The following DAB1 variants were observed in gnomAD, a reference collection of about 807,000 sequenced individuals.
DAB1 encodes disabled homolog 1.
A neutral mutation model predicts 64.6 loss-of-function variants in DAB1; 15 were observed. The ratio of observed to expected loss-of-function variants is 0.23; its 90% CI spans 0.16 to 0.36. The LOEUF (loss-of-function observed/expected upper bound fraction) is 0.36. Among genes scored for constraint, DAB1 ranks in the 10% least tolerant of loss-of-function variants. The pLI is 1.00. For missense variants in DAB1, 596 were observed against 706.7 expected, an observed-to-expected ratio of 0.84 and a Z score of 1.78; for synonymous variants, 235 against 251.9, an observed-to-expected ratio of 0.93 and a Z score of 0.64.
chr1:58,409,900 C>T (rs945758753), intron 3 of DAB1, among the ~76,000 whole-genome samples: 2 of 152,172 alleles, frequency 1.3e-5, no homozygotes, highest in Non-Finnish European at 2.9e-5. Context: ...CAAACAATCC[C>T]GTACTGTGGA....
chr1:57,443,889 C>T (rs1686042883), intron 7 of DAB1, among the ~76,000 whole-genome samples: 1 of 152,202 alleles, frequency 6.6e-6, no homozygotes, highest in Admixed American at 6.5e-5. Context: ...AAATATTAGT[C>T]ACAGTAGCAG....
At chr1:57,701,354 G>C (rs1030208436) in intron 6 of DAB1, among the ~76,000 whole-genome samples, 3 of 152,012 alleles carry the variant, frequency 2.0e-5, no homozygotes, top group South Asian at 2.1e-4. Context: ...CACATATACA[G>C]CATGGAATAC....
chr1:57,367,874 T>G (rs1680184705), intron 1 of DAB1, among the ~76,000 whole-genome samples: 1 of 152,144 alleles, frequency 6.6e-6, no homozygotes, highest in Non-Finnish European at 1.5e-5. Flanking sequence ...AAACTATGAC[T>G]GCAGACCTGG....
At chr1:58,433,022 C>T (rs572541165) in intron 3 of DAB1, among the ~76,000 whole-genome samples, 4 of 152,342 alleles carry the variant, frequency 2.6e-5, no homozygotes, top group South Asian at 2.1e-4. Context: ...TACCCGGAGG[C>T]GAGTGCCTGT....
intron 3 of DAB1, among the ~76,000 whole-genome samples, chr1:58,498,279 T>G (rs951484728): frequency 1.3e-5 from 2 of 152,098 alleles, no homozygotes. Flanking sequence ...TCTTCCATTC[T>G]CCTCTACCAT....
intron 3 of DAB1, among the ~76,000 whole-genome samples, chr1:58,455,364 C>T (rs372850481): frequency 1.3e-5 from 2 of 152,350 alleles, no homozygotes; most frequent in African/African-American, 4.8e-5. Context: ...GGTGCTTCTA[C>T]GTGGCCTTAA....
chr1:57,925,612 T>C (rs1156606727), intron 5 of DAB1, among the ~76,000 whole-genome samples: 2 of 152,234 alleles, frequency 1.3e-5, no homozygotes, highest in South Asian at 2.1e-4. Flanking sequence ...AGGATTTTCT[T>C]CTTTCATAGT....
At chr1:57,181,494 C>T (rs1662931949) in intron 2 of DAB1, among the ~76,000 whole-genome samples, 1 of 152,112 alleles carries the variant, frequency 6.6e-6, no homozygotes, top group Admixed American at 6.5e-5. Context: ...TATTACACAA[C>T]CTAATTGAAG....
chr1:58,302,255 A>G (rs1468671607), intron 4 of DAB1, among the ~76,000 whole-genome samples: 2 of 152,170 alleles, frequency 1.3e-5, no homozygotes, highest in Non-Finnish European at 2.9e-5. Flanking sequence ...GTATAGTCCA[A>G]GAAAATCCCT....
intron 2 of DAB1, among the ~76,000 whole-genome samples, chr1:57,220,337 A>G (rs748964745): frequency 2.6e-5 from 4 of 152,186 alleles, no homozygotes; most frequent in African/African-American, 4.8e-5. Flanking sequence ...TCGTTTCATC[A>G]TGCAATGTAA....
At chr1:57,214,079 T>C in intron 2 of DAB1, among the ~76,000 whole-genome samples, 1 of 152,188 alleles carries the variant, frequency 6.6e-6, no homozygotes, top group East Asian at 1.9e-4. Flanking sequence ...CTAAAACAAA[T>C]ACTTGAGACA....
intron 5 of DAB1, among the ~76,000 whole-genome samples, chr1:58,121,044 C>T (rs1195858909): frequency 6.6e-6 from 1 of 150,932 alleles, no homozygotes; most frequent in Admixed American, 6.6e-5. Flanking sequence ...AATTTTGCTA[C>T]TATCTTGATT....
At chr1:58,340,809 A>C (rs776242313) in intron 4 of DAB1, among the ~76,000 whole-genome samples, 1 of 152,210 alleles carries the variant, frequency 6.6e-6, no homozygotes, top group Non-Finnish European at 1.5e-5. Context: ...CCCAAGGCTT[A>C]GATAAGGTGT....
chr1:57,688,918 G>A (rs1175298920), intron 6 of DAB1, among the ~76,000 whole-genome samples: 1 of 152,154 alleles, frequency 6.6e-6, no homozygotes, highest in Admixed American at 6.5e-5. Flanking sequence ...CCACCAGAGT[G>A]GGGAGGAAAG....
chr1:57,952,611 A>T (rs1195088588), intron 5 of DAB1, among the ~76,000 whole-genome samples: 1 of 152,190 alleles, frequency 6.6e-6, no homozygotes, highest in Admixed American at 6.5e-5. Flanking sequence ...TAGATTCTTG[A>T]TGGGAGGAAG....
intron 4 of DAB1, among the ~76,000 whole-genome samples, chr1:57,091,654 C>T (rs916835360): frequency 1.3e-5 from 2 of 152,178 alleles, no homozygotes; most frequent in Non-Finnish European, 2.9e-5. Flanking sequence ...ACCAGACTGC[C>T]TGGGGGCCCT....
intron 2 of DAB1, among the ~76,000 whole-genome samples, chr1:57,238,841 G>GCACACACACA (rs373675306): frequency 5.1e-5 from 7 of 138,396 alleles, no homozygotes; most frequent in South Asian, 4.9e-4. Flanking sequence ...GTGCACATGC[G>GCACACACACA]CACACACACA....
intron 5 of DAB1, among the ~76,000 whole-genome samples, chr1:57,991,507 G>A (rs1343279705): frequency 6.6e-6 from 1 of 152,034 alleles, no homozygotes; most frequent in Non-Finnish European, 1.5e-5. Flanking sequence ...TACTGTGACT[G>A]CCGAAGCACA....
At position 58,518,280 on chromosome 1, in the gene DAB1, GAA is replaced by G. The variant is rs1646199742; in HGVS notation, n.107+8979_107+8980del. Among the ~76,000 whole-genome samples the G allele has an allele frequency of 1.3e-3, 15 of 11,896 alleles. 1 individual carries two copies. The highest frequency in any genetic ancestry group is 3.4e-3 in the African/African-American group (7 of 2,038). 7.8% of individuals were successfully genotyped at this position (11,896 alleles called of 152,430 possible). On this transcript the variant is annotated intron_variant and non_coding_transcript_variant, in intron 2 of 20. Coordinates refer to the DAB1 transcript ENST00000485760. The stretch of plus-strand genomic sequence containing the variant: ...AGAGGGGAGAGGAGAGAGGAGAGGA[GAA>G]GAGAAGAGAAGAGAAGAGAAGAGAA...
Sources: gnomAD v4.1 joint callset for allele counts (sites outside exome capture counted in the v4.1 genomes callset) on GRCh38, gnomAD v4.1.1 for gene constraint, MANE v1.5 for transcripts, NCBI Gene and HGNC (gene_info 2026-07-23, HGNC 2026-07-21) for gene names.